The following TRDN variants were observed in gnomAD, a reference collection of about 807,000 sequenced individuals.
TRDN encodes triadin in skeletal muscle.
TRDN carries 161 observed loss-of-function variants against 149.7 expected under a neutral mutation model. That is an observed-to-expected ratio of 1.08 (90% CI 0.95 to 1.23). TRDN has a LOEUF of 1.23. TRDN is among the 50% of genes most tolerant of loss of function. The probability of loss-of-function intolerance (pLI) is 0.00; values close to 1 mark genes in which losing one functional copy is unlikely to be tolerated. For synonymous variants in TRDN, 294 were observed against 250.5 expected, an observed-to-expected ratio of 1.17 and a Z score of -1.64; for missense variants, 896 against 823.5, an observed-to-expected ratio of 1.09 and a Z score of -1.08.
intron 1 of TRDN, among the ~76,000 whole-genome samples, chr6:123,598,822 T>A (rs892655059): frequency 1.3e-5 from 2 of 152,080 alleles, no homozygotes; most frequent in African/African-American, 4.8e-5. Context: ...GAAAAGTAAC[T>A]GACATAGTAA....
At chr6:123,552,289 G>A (rs1535356) in intron 2 of TRDN, among the ~76,000 whole-genome samples, 123,289 of 152,012 alleles carry the variant, frequency 0.81, 50,170 homozygotes, top group East Asian at 0.92. Context: ...AAAAGTTTAA[G>A]TAAGATTTTT....
chr6:123,363,479 C>T (rs536729733), intron 20 of TRDN, among the ~76,000 whole-genome samples: 17 of 152,146 alleles, frequency 1.1e-4, no homozygotes, highest in East Asian at 5.8e-4. Flanking sequence ...TATTTCTGTT[C>T]GTGCTGTAGT....
chr6:123,429,706 ACT>A lies in TRDN; in HGVS notation c.1051+8355_1051+8356del, dbSNP rs368311878. Among the ~76,000 whole-genome samples the A allele has an allele frequency of 1.1e-3, 160 of 152,246 alleles. 3 individuals are homozygous for A. In the South Asian group the frequency reaches 0.024, roughly 23 times the overall value. ...TAACTGACATTCCATTTCTTATGCC[ACT>A]CTGTGTCATTTTCCCAGGAAAATTT... On this transcript the variant is annotated intron_variant, in intron 12 of 40. Transcript: ENST00000334268.
intron 16 of TRDN, 41 bp downstream of exon 16, chr6:123,381,328 TA>T (rs768229404): frequency 5.6e-3 from 6,547 of 1,178,978 alleles, no homozygotes; most frequent in African/African-American, 0.011. Flanking sequence ...ATAATAGTAG[TA>T]AAAAAAAAAG....
intron 2 of TRDN, among the ~76,000 whole-genome samples, chr6:123,566,550 C>T (rs182476172): frequency 1.3e-3 from 195 of 152,308 alleles, no homozygotes; most frequent in Admixed American, 3.6e-3. Context: ...CATGGCTTCA[C>T]GGCATTTACC....
intron 27 of TRDN, 31 bp downstream of exon 27, chr6:123,274,609 TC>T (rs1156923284): frequency 1.3e-6 from 2 of 1,583,714 alleles, no homozygotes; most frequent in African/African-American, 2.7e-5. Flanking sequence ...TAATGTCAAC[TC>T]TGAATCTATA....
intron 10 of TRDN, among the ~76,000 whole-genome samples, chr6:123,460,060 A>G (rs1181734234): frequency 6.6e-5 from 10 of 152,194 alleles, no homozygotes. Context: ...CTCACCACTC[A>G]CCAATTCATC....
intron 1 of TRDN, among the ~76,000 whole-genome samples, chr6:123,618,536 G>A: frequency 6.6e-6 from 1 of 152,116 alleles, no homozygotes; most frequent in African/African-American, 2.4e-5. Flanking sequence ...TCCAGGTAAG[G>A]TAACATATTT....
intron 1 of TRDN, among the ~76,000 whole-genome samples, chr6:123,615,750 T>A (rs1226257011): frequency 6.6e-6 from 1 of 152,020 alleles, no homozygotes; most frequent in Non-Finnish European, 1.5e-5. Context: ...GGCTAGAAAG[T>A]GTGGGGATGT....
At chr6:123,244,296 T>A (rs1776097423) in intron 38 of TRDN, among the ~76,000 whole-genome samples, 1 of 152,046 alleles carries the variant, frequency 6.6e-6, no homozygotes, top group African/African-American at 2.4e-5. Context: ...AACAAACTCT[T>A]CCAAGCTAAA....
chr6:123,460,038 C>T (rs1240659879), intron 10 of TRDN, among the ~76,000 whole-genome samples: 1 of 152,154 alleles, frequency 6.6e-6, no homozygotes, highest in Non-Finnish European at 1.5e-5. Flanking sequence ...TCTTATACTC[C>T]CAACTCTTAA....
At chr6:123,396,938 T>C (rs964979791) in intron 12 of TRDN, among the ~76,000 whole-genome samples, 8 of 152,170 alleles carry the variant, frequency 5.3e-5, no homozygotes, top group Non-Finnish European at 1.0e-4. Flanking sequence ...ACTGCTACAC[T>C]GTCAGCAGCC....
Position 123,255,903 on chromosome 6 carries a change from C to A in TRDN, c.1871-1G>T. On this transcript the variant is annotated splice_acceptor_variant, in intron 35 of 40. Transcript: ENST00000334268. LOFTEE classifies it high-confidence loss of function. ...CTAAGATGCTTCATGTCTGCTTTTT[C>A]TGTATAGAAGAAACAGTAACAGGGT... is the stretch of plus-strand genomic sequence containing the variant. 1 of 1,305,010 alleles carries A rather than the reference C, an allele frequency of 7.7e-7. No individual in the cohort carries two copies. Among genetic ancestry groups the A allele is most frequent in the South Asian group, 2.1e-5 (1 of 47,820 alleles). 80.8% of individuals were successfully genotyped at this position (1,305,010 alleles called of 1,614,324 possible).
chr6:123,390,203 C>T (rs1200828754), intron 13 of TRDN, among the ~76,000 whole-genome samples: 1 of 152,054 alleles, frequency 6.6e-6, no homozygotes, highest in East Asian at 1.9e-4. Flanking sequence ...CCTTGACCAA[C>T]GCCAAAAAGA....
chr6:123,395,288 G>A (rs770945323), intron 12 of TRDN, among the ~76,000 whole-genome samples: 40 of 152,150 alleles, frequency 2.6e-4, no homozygotes, highest in African/African-American at 8.9e-4. Flanking sequence ...AGAGCACGGA[G>A]GTCACACACA....
At chr6:123,540,013 A>C (rs1226092469) in intron 4 of TRDN, among the ~76,000 whole-genome samples, 1 of 152,244 alleles carries the variant, frequency 6.6e-6, no homozygotes, top group Non-Finnish European at 1.5e-5. Context: ...ATTAGAAACA[A>C]AAATTAGATG....
intron 23 of TRDN, 66 bp downstream of exon 23, chr6:123,331,813 G>C: frequency 1.0e-5 from 11 of 1,065,038 alleles, no homozygotes; most frequent in Non-Finnish European, 1.5e-5. Context: ...TCATTACTTT[G>C]TTGCAAATAA....
chr6:123,331,753 C>A, intron 23 of TRDN, 126 bp downstream of exon 23: 3 of 575,604 alleles, frequency 5.2e-6, no homozygotes, highest in Non-Finnish European at 8.4e-6. Context: ...TTTTCTTTTG[C>A]TTAAAAACAT....
intron 24 of TRDN, among the ~76,000 whole-genome samples, chr6:123,302,275 C>T (rs967673099): frequency 1.3e-5 from 2 of 151,958 alleles, no homozygotes; most frequent in African/African-American, 4.8e-5. Context: ...GTCATTCACC[C>T]ATTATGTAAA....
Sources: gnomAD v4.1 joint callset for allele counts (sites outside exome capture counted in the v4.1 genomes callset) on GRCh38, gnomAD v4.1.1 for gene constraint, MANE v1.5 for transcripts, NCBI Gene and HGNC (gene_info 2026-07-23, HGNC 2026-07-21) for gene names.